PCGF3: variants seen among roughly 807,000 people sequenced by gnomAD.
PCGF3 encodes polycomb group RING finger protein 3.
In PCGF3, 7 loss-of-function variants were observed where a neutral mutation model predicts 33.1. The observed-to-expected ratio is 0.21, with a 90% confidence interval of 0.12 to 0.40. The LOEUF (loss-of-function observed/expected upper bound fraction) is 0.40, where lower values mean the gene tolerates loss of function less well. PCGF3 is among the 10% of genes least tolerant of loss of function. The probability of loss-of-function intolerance (pLI) is 1.00; values close to 1 mark genes in which losing one functional copy is unlikely to be tolerated. For missense variants in PCGF3, 211 were observed against 313.3 expected (o/e 0.67, Z 2.46); for synonymous variants, 153 against 121.3 (o/e 1.26, Z -1.72).
chr4:766,082 G>A (rs953555111), exon 11 of PCGF3: 2 of 1,613,702 alleles, frequency 1.2e-6, no homozygotes, highest in African/African-American at 1.3e-5. Context: ...TGCTGTGAAT[G>A]GTGCCACACA....
chr4:735,538 C>A (rs1577415803), intron 5 of PCGF3, among the ~76,000 whole-genome samples: 1 of 65,728 alleles, frequency 1.5e-5, no homozygotes, highest in African/African-American at 5.6e-5. Context: ...GAGCGAGACT[C>A]TGTCTCAAAG....
chr4:737,433 C>T (rs1199671788), intron 5 of PCGF3, 33 bp from the exon 6 acceptor site: 1 of 1,443,492 alleles, frequency 6.9e-7, no homozygotes, highest in Non-Finnish European at 9.8e-7. Context: ...ATTAACATTT[C>T]CAGCTAACTC....
exon 11 of PCGF3, chr4:767,025 C>G (rs1054255154): frequency 6.6e-6 from 1 of 152,304 alleles, no homozygotes. Flanking sequence ...GTGGTGGCTT[C>G]GGGCTCATGC....
At chr4:764,825 G>T (rs1034840614) in intron 9 of PCGF3, 159 bp from the exon 10 acceptor site, 24 of 598,454 alleles carry the variant, frequency 4.0e-5, no homozygotes, top group Non-Finnish European at 6.7e-5. Flanking sequence ...CTGTGAGGTA[G>T]GGATGGAGGA....
rs1432265498 is a variant in PCGF3 at position 721,905 on chromosome 4, G to A, written c.-189-8725G>A. 6.7e-6 allele frequency among the ~76,000 whole-genome samples: 1 copy of A among 150,298 alleles called. No homozygotes were observed. The highest frequency in any genetic ancestry group is 1.5e-5 in the Non-Finnish European group (1 of 67,966). ...GTGGCTCTGCGTGTGGGCGTGGAGA[G>A]AGGCCTGTGGGAGGTGGGTGGACAT... On this transcript the variant is annotated intron_variant, in intron 1 of 10. Coordinates refer to ENST00000362003, the Ensembl canonical transcript of PCGF3. This position sits in a 1 kb window ranked among gnomAD's most constrained non-coding sequence, Gnocchi z 4.1.
In PCGF3 at chr4:743,866, G is replaced by A. The variant is rs371890789; in HGVS notation, c.373+282G>A. On this transcript the variant is annotated intron_variant, in intron 7 of 10. Coordinates refer to ENST00000362003, the Ensembl canonical transcript of PCGF3. ...GTTCAGAAGGCCTGTGGAAAGAGTA[G>A]TGGAAGGTGAACTTCCTGAGACTTC... 1.4e-4 allele frequency: 44 copies of A among 310,212 alleles called. No homozygotes were observed. In the South Asian group the frequency reaches 2.3e-3, roughly 16 times the overall value. The allele number at this position is 310,212 out of a possible 1,614,324, so 19.2% of individuals were successfully genotyped here.
intron 1 of PCGF3, among the ~76,000 whole-genome samples, chr4:711,649 G>T (rs370050339): frequency 2.1e-4 from 32 of 150,250 alleles, no homozygotes; most frequent in Middle Eastern, 3.4e-3. Flanking sequence ...AGTAGAGACG[G>T]GGTTTCACCT....
intron 6 of PCGF3, among the ~76,000 whole-genome samples, chr4:740,973 A>G (rs1744064854): frequency 6.6e-6 from 1 of 152,218 alleles, no homozygotes; most frequent in African/African-American, 2.4e-5. Context: ...AAAGGAGAAA[A>G]GGGGACTTTC....
intron 8 of PCGF3, chr4:757,883 A>G (rs1487385434): frequency 6.6e-6 from 1 of 152,212 alleles, no homozygotes. Flanking sequence ...AGAAATCCAA[A>G]GTTGGCCCGG....
chr4:765,514 G>A (rs1745317688), intron 10 of PCGF3, among the ~76,000 whole-genome samples: 1 of 152,310 alleles, frequency 6.6e-6, no homozygotes, highest in African/African-American at 2.4e-5. Context: ...ATCAACCCCA[G>A]AGCCAGCTTG....
intron 1 of PCGF3, among the ~76,000 whole-genome samples, chr4:710,500 G>A (rs995249626): frequency 1.8e-4 from 27 of 152,244 alleles, no homozygotes; most frequent in African/African-American, 6.3e-4. Context: ...GCACAGCGGT[G>A]CTGTGAGCCT....
At chr4:731,169 C>T (rs1743540087) in intron 3 of PCGF3, 59 bp downstream of exon 3, 2 of 398,436 alleles carry the variant, frequency 5.0e-6, no homozygotes, top group East Asian at 7.1e-5. Flanking sequence ...TGCCCTGTTG[C>T]TGGTTGTGGC....
chr4:743,687 C>A (rs1318640806), intron 7 of PCGF3, 103 bp downstream of exon 7: 3 of 689,262 alleles, frequency 4.4e-6, no homozygotes, highest in Non-Finnish European at 7.7e-6. Flanking sequence ...CACGCACTCA[C>A]GGGAGAACGT....
chr4:756,807 G>T (rs1744788772), intron 8 of PCGF3, among the ~76,000 whole-genome samples: 1 of 152,162 alleles, frequency 6.6e-6, no homozygotes, highest in African/African-American at 2.4e-5. Context: ...CCCCAGCAGG[G>T]TTAGATCGCA....
chr4:739,837 A>C (rs1054105358), intron 6 of PCGF3, among the ~76,000 whole-genome samples: 4 of 152,216 alleles, frequency 2.6e-5, no homozygotes, highest in Non-Finnish European at 4.4e-5. Context: ...TACGTTGAAG[A>C]AGTCGAGAGG....
intron 1 of PCGF3, among the ~76,000 whole-genome samples, chr4:713,504 C>T (rs1175818029): frequency 7.6e-6 from 1 of 131,870 alleles, no homozygotes; most frequent in Non-Finnish European, 1.6e-5. Context: ...GGGGCTGTGG[C>T]CTTGTGGGTC....
At chr4:743,687 C>T (rs1318640806) in intron 7 of PCGF3, 103 bp downstream of exon 7, 11 of 689,144 alleles carry the variant, frequency 1.6e-5, no homozygotes, top group South Asian at 1.2e-4. Flanking sequence ...CACGCACTCA[C>T]GGGAGAACGT....
chr4:763,482 T>C (rs1386337546), intron 9 of PCGF3, among the ~76,000 whole-genome samples: 1 of 152,220 alleles, frequency 6.6e-6, no homozygotes, highest in Non-Finnish European at 1.5e-5. Context: ...GGGAGGAATC[T>C]GAAGAACTGT....
At position 744,583 on chromosome 4, in the gene PCGF3, T is replaced by C. The variant is rs967769990; in HGVS notation, c.374-17T>C. ...GTTTGGATTTCATGGTGCGCTATGT[T>C]CTGTTTGTGCTAAAAGGTGAAACCA... On this transcript the variant is annotated splice_polypyrimidine_tract_variant and intron_variant, in intron 7 of 10. Transcript: ENST00000362003. 21 of 1,541,366 alleles carry C rather than the reference T, an allele frequency of 1.4e-5. No homozygotes were observed. The highest frequency in any genetic ancestry group is 1.8e-5 in the Non-Finnish European group (21 of 1,137,246).
Sources: gnomAD v4.1 joint callset for allele counts (sites outside exome capture counted in the v4.1 genomes callset) on GRCh38, gnomAD v4.1.1 for gene constraint, Gnocchi (gnomAD v3.1) non-coding constraint, MANE v1.5 for transcripts, NCBI Gene and HGNC (gene_info 2026-07-23, HGNC 2026-07-21) for gene names.